The following CERS3 variants were observed in gnomAD, a reference collection of about 807,000 sequenced individuals.
CERS3 encodes the protein ceramide synthase 3.
Under a neutral mutation model 50.3 loss-of-function variants are expected in CERS3, and 33 were observed. The observed-to-expected ratio is 0.66, with a 90% CI of 0.50 to 0.88. The LOEUF is 0.88. Among genes scored for constraint, CERS3 ranks in the 40% least tolerant of loss-of-function variants. The probability of loss-of-function intolerance (pLI) is 0.00; values close to 1 mark genes in which losing one functional copy is unlikely to be tolerated. For synonymous variants in CERS3, 176 were observed against 155.2 expected (o/e 1.13, Z -0.99); for missense variants, 470 against 460.3 (o/e 1.02, Z -0.19).
intron 11 of CERS3, among the ~76,000 whole-genome samples, chr15:100,450,899 C>A (rs2034138791): frequency 6.6e-6 from 1 of 151,834 alleles, no homozygotes; most frequent in Admixed American, 6.6e-5. Context: ...TGGCCATAGT[C>A]CTGAAAGTGG....
intron 3 of CERS3, among the ~76,000 whole-genome samples, chr15:100,491,801 T>A (rs2035661348): frequency 1.3e-5 from 2 of 152,164 alleles, no homozygotes; most frequent in Admixed American, 1.3e-4. Context: ...ATTTACCTTG[T>A]GATTTCTTCC....
chr15:100,474,140 C>T lies in CERS3; in HGVS notation c.610-1088G>A, dbSNP rs200455102. ...CAGGGGCTGGGGAGGTTGAGAGAAA[C>T]GAGGAGTGACTGCTAAATGGTATAG... On this transcript the variant is annotated intron_variant, in intron 8 of 11. Transcript: ENST00000679737. Among the ~76,000 whole-genome samples, 20 of 29,436 alleles carry T rather than the reference C, an allele frequency of 6.8e-4. No homozygotes were observed. The East Asian group carries it at 0.011, about 16-fold the overall frequency. 19.3% of individuals were successfully genotyped at this position (29,436 alleles called of 152,430 possible). A position where few individuals can be genotyped will look rare whatever the true frequency, so the allele number is the denominator to read the frequency against.
At chr15:100,409,566 G>A (rs2031315878) in intron 11 of CERS3, among the ~76,000 whole-genome samples, 1 of 152,148 alleles carries the variant, frequency 6.6e-6, no homozygotes, top group Admixed American at 6.5e-5. Context: ...GCTCTAGGGG[G>A]AACAAGGCAT....
At chr15:100,500,064 A>G (rs1219103026) in intron 3 of CERS3, among the ~76,000 whole-genome samples, 1 of 152,232 alleles carries the variant, frequency 6.6e-6, no homozygotes, top group East Asian at 1.9e-4. Context: ...TATTTATGAT[A>G]TAAGTGGTTC....
In CERS3 at chr15:100,484,688, A is replaced by G; in HGVS notation, c.289-20T>C. 2 of 1,522,020 alleles carry G rather than the reference A, an allele frequency of 1.3e-6. No individual in the cohort carries two copies. The highest frequency in any genetic ancestry group is 1.8e-6 in the Non-Finnish European group (2 of 1,096,378). The allele number at this position is 1,522,020 out of a possible 1,614,324, so 94.3% of individuals were successfully genotyped here. ...ATCAGTCTGAAAAGGGATGAAACGCATAAATGAGTGATAAAGAACAGAGTC... is the reference window on the plus strand; with the variant it reads ...ATCAGTCTGAAAAGGGATGAAACGCGTAAATGAGTGATAAAGAACAGAGTC... On this transcript the variant is annotated intron_variant, in intron 4 of 11. Coordinates refer to ENST00000679737, the MANE Select transcript of CERS3 (RefSeq NM_001378789.1).
At chr15:100,456,829 C>T (rs2034388880) in intron 10 of CERS3, among the ~76,000 whole-genome samples, 1 of 151,992 alleles carries the variant, frequency 6.6e-6, no homozygotes, top group African/African-American at 2.4e-5. Context: ...CACCTGTAAT[C>T]CCAGCTACTG....
chr15:100,418,062 C>T (rs904269243), intron 11 of CERS3, among the ~76,000 whole-genome samples: 1 of 152,010 alleles, frequency 6.6e-6, no homozygotes, highest in Non-Finnish European at 1.5e-5. Context: ...TCACCAGCAA[C>T]GGAACAAAGC....
At chr15:100,445,239 C>T (rs376485247) in intron 11 of CERS3, among the ~76,000 whole-genome samples, 6 of 128,876 alleles carry the variant, frequency 4.7e-5, no homozygotes, top group African/African-American at 8.7e-5. Flanking sequence ...ACTTGTCATC[C>T]CTACTATCTC....
At chr15:100,496,637 A>C (rs2035822890) in intron 3 of CERS3, among the ~76,000 whole-genome samples, 1 of 152,186 alleles carries the variant, frequency 6.6e-6, no homozygotes, top group Admixed American at 6.5e-5. Context: ...AAATGCATCA[A>C]ATTTTGGATG....
chr15:100,421,356 C>T (rs1308890144), intron 11 of CERS3, among the ~76,000 whole-genome samples: 6 of 151,644 alleles, frequency 4.0e-5, no homozygotes, highest in Non-Finnish European at 7.4e-5. Context: ...GAATCAAATA[C>T]CTAGGAATCC....
intron 7 of CERS3, among the ~76,000 whole-genome samples, chr15:100,476,502 G>T (rs72759117): frequency 3.2e-4 from 49 of 152,160 alleles, no homozygotes; most frequent in African/African-American, 1.1e-3. Context: ...TCTTTACTTA[G>T]GAACAATGGG....
intron 1 of CERS3, among the ~76,000 whole-genome samples, chr15:100,542,055 C>A (rs948232710): frequency 1.3e-5 from 2 of 152,044 alleles, no homozygotes; most frequent in Non-Finnish European, 2.9e-5. Flanking sequence ...AAATCAAAAT[C>A]AACCAATGAA....
chr15:100,422,931 G>T (rs1456732550), intron 11 of CERS3, among the ~76,000 whole-genome samples: 6 of 129,490 alleles, frequency 4.6e-5, no homozygotes, highest in Non-Finnish European at 9.6e-5. Context: ...TCTGGGGACT[G>T]TTGTGGGGTG....
intron 11 of CERS3, among the ~76,000 whole-genome samples, chr15:100,413,815 T>G (rs1290856635): frequency 6.8e-6 from 1 of 147,448 alleles, no homozygotes; most frequent in East Asian, 1.9e-4. Flanking sequence ...AACACCTCTA[T>G]GCACATGAAC....
intron 2 of CERS3, among the ~76,000 whole-genome samples, chr15:100,516,128 T>C (rs1034500644): frequency 2.0e-5 from 3 of 152,188 alleles, no homozygotes; most frequent in African/African-American, 7.2e-5. Flanking sequence ...AGACCTCCTG[T>C]GTGCCACTCA....
intron 2 of CERS3, among the ~76,000 whole-genome samples, chr15:100,519,276 G>A (rs892121388): frequency 6.6e-6 from 1 of 152,154 alleles, no homozygotes; most frequent in African/African-American, 2.4e-5. Flanking sequence ...TGGACTTGGA[G>A]TTGAAGTGAC....
intron 11 of CERS3, among the ~76,000 whole-genome samples, chr15:100,449,462 C>T (rs1014230118): frequency 2.0e-5 from 3 of 152,174 alleles, no homozygotes; most frequent in Non-Finnish European, 2.9e-5. Flanking sequence ...AGAATCAGCC[C>T]GCCTGGAGCT....
chr15:100,531,964 G>A (rs780946245), upstream of CERS3, among the ~76,000 whole-genome samples: 6 of 152,150 alleles, frequency 3.9e-5, no homozygotes, highest in East Asian at 1.9e-4. Context: ...AGCGGGTACC[G>A]GGTGCCTTTC....
intron 4 of CERS3, among the ~76,000 whole-genome samples, chr15:100,487,780 C>A (rs1280654912): frequency 6.6e-6 from 1 of 152,110 alleles, no homozygotes; most frequent in African/African-American, 2.4e-5. Flanking sequence ...GAGGTTTTTG[C>A]TCTAAAAATG....
Sources: gnomAD v4.1 joint callset for allele counts (sites outside exome capture counted in the v4.1 genomes callset) on GRCh38, gnomAD v4.1.1 for gene constraint, MANE v1.5 for transcripts, NCBI Gene and HGNC (gene_info 2026-07-23, HGNC 2026-07-21) for gene names.